Variants in LMBRD2 observed in about 807,000 individuals in gnomAD.
LMBRD2 encodes G protein-coupled receptor-associated protein LMBRD2.
A neutral mutation model predicts 94.4 loss-of-function variants in LMBRD2; 55 were observed. The observed-to-expected ratio is 0.58, with a 90% CI of 0.47 to 0.73. The LOEUF is 0.73. LMBRD2 is among the 30% of genes least tolerant of loss of function. The pLI is 0.00. For missense variants in LMBRD2, 640 were observed against 831.9 expected (o/e 0.77, Z 2.84); for synonymous variants, 246 against 272.4 (o/e 0.90, Z 0.95).
At chr5:36,104,836 G>A (rs1369672933) in intron 17 of LMBRD2, among the ~76,000 whole-genome samples, 5 of 151,944 alleles carry the variant, frequency 3.3e-5, no homozygotes, top group Non-Finnish European at 7.4e-5. Flanking sequence ...AGTATTGTAT[G>A]AAGATAACAA....
At position 36,111,190 on chromosome 5, in the gene LMBRD2, T is replaced by A; in HGVS notation, c.1709A>T (p.Asp570Val). Residue 570 changes from aspartate to valine, a missense_variant, in exon 14 of 18, where the codon GAC becomes GTC. Physicochemically the swap from Asp to Val is radical, Grantham distance 152 (BLOSUM62 -3). Transcript: ENST00000296603. ...QFMGDDDMTS[D>V]LVNEGKELIR... ...TAATTCTTTTCCTTCATTAACTAAGTCTGATGTCATATCATCATCTCCCAT... is the reference window on the plus strand; with the variant it reads ...TAATTCTTTTCCTTCATTAACTAAGACTGATGTCATATCATCATCTCCCAT... The A allele has an allele frequency of 6.2e-7, 1 of 1,610,582 alleles. No individual in the cohort carries two copies.
rs201602814 is a variant in LMBRD2 at position 36,106,508 on chromosome 5, C to CTTTTTT, written c.1898-1312_1898-1311insAAAAAA. ...TCAAAATCCCAACTTTTTTTTCTTT[C>CTTTTTT]GTTTTTTTTTTTTTTTTTTTTGATG... On this transcript the variant is annotated intron_variant, in intron 16 of 17. Coordinates refer to ENST00000296603, the MANE Select transcript of LMBRD2 (RefSeq NM_001007527.2). Among the ~76,000 whole-genome samples the CTTTTTT allele has an allele frequency of 3.7e-4, 49 of 132,840 alleles. 1 individual carries two copies. Among genetic ancestry groups the CTTTTTT allele is most frequent in the Non-Finnish European group, 5.3e-4 (33 of 62,814 alleles). The allele number at this position is 132,840 out of a possible 152,430, so 87.1% of individuals were successfully genotyped here.
At chr5:36,140,116 T>C (rs1744367970) in intron 4 of LMBRD2, among the ~76,000 whole-genome samples, 1 of 152,222 alleles carries the variant, frequency 6.6e-6, no homozygotes, top group Non-Finnish European at 1.5e-5. Flanking sequence ...TCTCCAAGCT[T>C]CTGGGTACCA....
rs1057344244 is a variant in LMBRD2, at chr5:36,151,128, T to A, written c.-58+428A>T. ...CTCCCTACTCTTACTGCCCCCAAAC[T>A]CTTCTCAGCAGAGATAGGCTGAAAG... On this transcript the variant is annotated intron_variant, in intron 1 of 17. Coordinates refer to ENST00000296603, the MANE Select transcript of LMBRD2 (RefSeq NM_001007527.2). The surrounding 1 kb of genome is among the most constrained non-coding windows in gnomAD (Gnocchi z 4.7). Among the ~76,000 whole-genome samples, 3 of 152,164 alleles carry A rather than the reference T, an allele frequency of 2.0e-5. No homozygotes were observed. The highest frequency in any genetic ancestry group is 2.9e-5 in the Non-Finnish European group (2 of 68,042).
intron 6 of LMBRD2, among the ~76,000 whole-genome samples, chr5:36,132,986 G>A (rs115424294): frequency 0.02 from 2,986 of 148,048 alleles, 97 homozygotes; most frequent in African/African-American, 0.072. Flanking sequence ...ACAGTTTGGA[G>A]GCCCCTCAAA....
At chr5:36,119,658 A>G (rs1264639815) in intron 9 of LMBRD2, among the ~76,000 whole-genome samples, 2 of 152,176 alleles carry the variant, frequency 1.3e-5, no homozygotes, top group Non-Finnish European at 2.9e-5. Flanking sequence ...ACTAGCTTCA[A>G]GTGGGTCCTC....
At chr5:36,127,312 G>A (rs562752439) in intron 6 of LMBRD2, among the ~76,000 whole-genome samples, 19 of 152,314 alleles carry the variant, frequency 1.2e-4, no homozygotes, top group African/African-American at 3.9e-4. Context: ...CACAGGAGGT[G>A]GAGCAAGATG....
At chr5:36,150,316 T>G (rs1744660503) in intron 1 of LMBRD2, among the ~76,000 whole-genome samples, 1 of 152,254 alleles carries the variant, frequency 6.6e-6, no homozygotes, top group African/African-American at 2.4e-5. Flanking sequence ...CATCTTTAAA[T>G]TTAGAATCAT....
At chr5:36,134,711 C>A (rs1744228731) in intron 6 of LMBRD2, among the ~76,000 whole-genome samples, 2 of 152,084 alleles carry the variant, frequency 1.3e-5, no homozygotes, top group Non-Finnish European at 2.9e-5. Flanking sequence ...ACCAACCCTG[C>A]AGATACCTTA....
In LMBRD2 at chr5:36,100,908, A is replaced by C. The variant is rs913341933; in HGVS notation, c.*3138T>G. The C allele has an allele frequency of 2.6e-5, 4 of 152,076 alleles. No individual in the cohort carries two copies. Among genetic ancestry groups the C allele is most frequent in the Non-Finnish European group, 5.9e-5 (4 of 67,968 alleles). 9.4% of individuals were successfully genotyped at this position (152,076 alleles called of 1,614,324 possible). Reference sequence around the variant, plus strand: ...AATATGCTAAAATATACTTTTAAAAAACCACACACATTGACTTTCCTATGC... The same window carrying C: ...AATATGCTAAAATATACTTTTAAAACACCACACACATTGACTTTCCTATGC... On this transcript the variant is annotated 3_prime_UTR_variant, in exon 18 of 18. Coordinates refer to ENST00000296603, the MANE Select transcript of LMBRD2 (RefSeq NM_001007527.2).
At chr5:36,121,670 CTATTT>C (rs1743889489) in intron 9 of LMBRD2, among the ~76,000 whole-genome samples, 1 of 152,122 alleles carries the variant, frequency 6.6e-6, no homozygotes, top group Non-Finnish European at 1.5e-5. Flanking sequence ...AAAATTCTAA[CTATTT>C]TAAGTACAGT....
At chr5:36,122,635 A>G (rs1743913880) in intron 8 of LMBRD2, among the ~76,000 whole-genome samples, 172 bp from the exon 9 acceptor site, 1 of 152,186 alleles carries the variant, frequency 6.6e-6, no homozygotes, top group African/African-American at 2.4e-5. Context: ...TATATAATGT[A>G]ACAGTTATGC....
chr5:36,147,303 G>A (rs1017073927), intron 1 of LMBRD2, among the ~76,000 whole-genome samples: 10 of 152,010 alleles, frequency 6.6e-5, no homozygotes, highest in African/African-American at 2.4e-4. Flanking sequence ...TTAACCTTGT[G>A]CCAACATTCA....
At chr5:36,124,066 T>C (rs1312826461) in intron 7 of LMBRD2, 125 bp downstream of exon 7, 2 of 524,616 alleles carry the variant, frequency 3.8e-6, no homozygotes, top group African/African-American at 2.0e-5. Context: ...GTTGGGTTGA[T>C]ATTTCTATGA....
intron 9 of LMBRD2, among the ~76,000 whole-genome samples, chr5:36,120,183 C>T (rs554551626): frequency 6.6e-6 from 1 of 152,006 alleles, no homozygotes; most frequent in South Asian, 2.1e-4. Flanking sequence ...CTCAGTCTCC[C>T]AAGTAGCTGG....
Position 36,104,067 on chromosome 5 carries a change from A to T in LMBRD2, c.2067T>A (p.Ser689Arg), listed in dbSNP as rs768444390. 1 of 1,610,650 alleles carries T rather than the reference A, an allele frequency of 6.2e-7. No homozygotes were observed. Among genetic ancestry groups the T allele is most frequent in the Non-Finnish European group, 8.5e-7 (1 of 1,177,674 alleles). The change falls in exon 18 of 18, where the codon AGT (serine) becomes AGA (arginine). Residue 689 changes from serine (S) to arginine (R), a missense_variant. By Grantham distance (110) the Ser-to-Arg change is moderately radical. Coordinates refer to ENST00000296603, the MANE Select transcript of LMBRD2 (RefSeq NM_001007527.2). ...PGGRYLSMSR[S>R]DIFNDV ...GACTTTAAACATCATTAAATATGTC[A>T]CTGCGAGACATCGAGAGATATCGTC...
rs423753 is a variant in LMBRD2, at chr5:36,116,227, T to C, written c.1436+233A>G. On this transcript the variant is annotated intron_variant, in intron 11 of 17. Transcript: ENST00000296603. ...CTCTGGTTGGTAAATCCGGGCTCAC[T>C]AAGTATGCTTCTTCTGCCTTCTAGC... 0.014 allele frequency among the ~76,000 whole-genome samples: 2,195 copies of C among 152,268 alleles called. 56 individuals are homozygous for C. The highest frequency in any genetic ancestry group is 0.05 in the African/African-American group (2,094 of 41,540).
Position 36,137,404 on chromosome 5 carries a change from C to T in LMBRD2, c.406G>A (p.Gly136Arg). ...LPFMQSYARSGGFSITGKIKT... is the reference protein window; with the variant it reads ...LPFMQSYARSRGFSITGKIKT... ...ATCTTTCCAGTGATGGAAAACCCTC[C>T]TGATCTTGCATATGACTGCATAAAA... is the stretch of plus-strand genomic sequence containing the variant. The change falls in exon 5 of 18, where the codon GGA (glycine) becomes AGA (arginine). Residue 136 changes from glycine (G) to arginine (R), a missense_variant. Around this residue, in one of 2 missense-constraint regions of LMBRD2, gnomAD observed 457 missense variants for 642.8 expected, o/e 0.71. Coordinates refer to ENST00000296603, the MANE Select transcript of LMBRD2 (RefSeq NM_001007527.2). The T allele has an allele frequency of 6.3e-7, 1 of 1,595,870 alleles. No homozygotes were observed. Among genetic ancestry groups the T allele is most frequent in the Non-Finnish European group, 8.6e-7 (1 of 1,167,862 alleles).
chr5:36,113,029 A>G (rs543824380), intron 13 of LMBRD2, among the ~76,000 whole-genome samples: 1 of 152,288 alleles, frequency 6.6e-6, no homozygotes, highest in East Asian at 1.9e-4. Context: ...TATTATTTTA[A>G]GGGAGGAGAA....
Sources: gnomAD v4.1 joint callset for allele counts (sites outside exome capture counted in the v4.1 genomes callset) on GRCh38, gnomAD v4.1.1 for gene constraint, gnomAD v4.1.1 regional missense constraint, Gnocchi (gnomAD v3.1) non-coding constraint, MANE v1.5 for transcripts, NCBI Gene and HGNC (gene_info 2026-07-23, HGNC 2026-07-21) for gene names.